Variants in COL23A1 observed in about 807,000 individuals in gnomAD.
COL23A1 encodes collagen alpha-1(XXIII) chain.
COL23A1 carries 97 observed loss-of-function variants against 99.3 expected under a neutral mutation model. The observed-to-expected ratio is 0.98, with a 90% CI of 0.83 to 1.16. The LOEUF (loss-of-function observed/expected upper bound fraction) is 1.16. Among genes scored for constraint, COL23A1 ranks in the 50% most tolerant of loss-of-function variants. The pLI, the probability that COL23A1 is intolerant of heterozygous loss-of-function variation, is 0.00. For missense variants in COL23A1, 762 were observed against 757.4 expected, an observed-to-expected ratio of 1.01 and a Z score of -0.07; for synonymous variants, 320 against 308.2, an observed-to-expected ratio of 1.04 and a Z score of -0.40.
intron 2 of COL23A1, among the ~76,000 whole-genome samples, chr5:178,358,765 A>G (rs200083036): frequency 6.9e-6 from 1 of 143,902 alleles, no homozygotes; most frequent in African/African-American, 2.6e-5. Context: ...GTGTGTGTGT[A>G]TGTGTGTGTA....
At chr5:178,583,348 C>G (rs1388946729) in intron 1 of COL23A1, among the ~76,000 whole-genome samples, 1 of 152,216 alleles carries the variant, frequency 6.6e-6, no homozygotes, top group Non-Finnish European at 1.5e-5. Context: ...TCACCCTATT[C>G]CTTGGATGGT....
intron 2 of COL23A1, among the ~76,000 whole-genome samples, chr5:178,534,671 C>T (rs758619432): frequency 3.3e-5 from 5 of 152,024 alleles, no homozygotes; most frequent in South Asian, 2.1e-4. Context: ...CCCAGCTACT[C>T]GGTAGGTTGA....
Position 178,522,680 on chromosome 5 carries a change from G to A in COL23A1, c.361+38002C>T, listed in dbSNP as rs887196733. Among the ~76,000 whole-genome samples the A allele has an allele frequency of 5.9e-5, 9 of 152,158 alleles. No individual in the cohort carries two copies. The South Asian group carries it at 6.2e-4, about 10-fold the overall frequency. ...GACAGTGGTGGAGGGCACGATAGAC[G>A]CGCTGTCTGTGATCCTCCCACAGTC... is the stretch of plus-strand genomic sequence containing the variant. On this transcript the variant is annotated intron_variant, in intron 2 of 28. Transcript: ENST00000390654.
At chr5:178,241,926 C>T (rs72819011) in intron 27 of COL23A1, 116 bp downstream of exon 27, 18 of 737,118 alleles carry the variant, frequency 2.4e-5, no homozygotes, top group Non-Finnish European at 3.9e-5. Flanking sequence ...AAGGCCAGTG[C>T]GTGACCAGTG....
chr5:178,562,080 G>T, intron 1 of COL23A1: 1 of 533,460 alleles, frequency 1.9e-6, no homozygotes, highest in South Asian at 1.5e-5. Flanking sequence ...TGGTCTCGCT[G>T]ACTTCAAAAA....
intron 2 of COL23A1, among the ~76,000 whole-genome samples, chr5:178,339,215 A>G (rs1760516970): frequency 6.6e-6 from 1 of 152,148 alleles, no homozygotes; most frequent in Non-Finnish European, 1.5e-5. Flanking sequence ...TTGGGGCCAT[A>G]CAGAACAAAC....
intron 1 of COL23A1, among the ~76,000 whole-genome samples, chr5:178,568,717 T>A (rs1762950266): frequency 6.6e-6 from 1 of 152,220 alleles, no homozygotes; most frequent in Non-Finnish European, 1.5e-5. Context: ...CTGGTTCCTT[T>A]CACTCAGCAT....
At chr5:178,451,424 G>C (rs1767479301) in intron 2 of COL23A1, among the ~76,000 whole-genome samples, 2 of 152,090 alleles carry the variant, frequency 1.3e-5, no homozygotes, top group Non-Finnish European at 2.9e-5. Context: ...GAGAGCCCAA[G>C]GCATGCAGAT....
intron 2 of COL23A1, among the ~76,000 whole-genome samples, chr5:178,403,515 C>T (rs557456120): frequency 7.2e-5 from 11 of 152,326 alleles, no homozygotes; most frequent in East Asian, 3.9e-4. Flanking sequence ...GCCAGTGAGA[C>T]GCAGAGGCCC....
chr5:178,359,604 C>T (rs1762069433), intron 2 of COL23A1, among the ~76,000 whole-genome samples: 1 of 152,200 alleles, frequency 6.6e-6, no homozygotes, highest in African/African-American at 2.4e-5. Context: ...TTTTCCTTGT[C>T]TGGTTAAATA....
At chr5:178,278,906 C>G (rs949017725) in intron 5 of COL23A1, among the ~76,000 whole-genome samples, 2 of 152,214 alleles carry the variant, frequency 1.3e-5, no homozygotes, top group Non-Finnish European at 2.9e-5. Context: ...GCTGGGCCAG[C>G]CCTGGGGTAA....
At chr5:178,535,944 C>G (rs916483014) in intron 2 of COL23A1, among the ~76,000 whole-genome samples, 6 of 152,392 alleles carry the variant, frequency 3.9e-5, no homozygotes, top group Middle Eastern at 3.4e-3. Context: ...TCTGTTCTGA[C>G]CCCTGGATTC....
chr5:178,271,256 C>T (rs1186832748), intron 5 of COL23A1, among the ~76,000 whole-genome samples: 3 of 152,302 alleles, frequency 2.0e-5, no homozygotes, highest in East Asian at 1.9e-4. Context: ...GCTGCCTGGT[C>T]TCTGTCAGCC....
chr5:178,567,319 G>A (rs571155722), intron 1 of COL23A1, among the ~76,000 whole-genome samples: 243 of 152,326 alleles, frequency 1.6e-3, no homozygotes, highest in African/African-American at 5.7e-3. Context: ...TTGGAGAGAT[G>A]AGAAATGAGA....
rs1042191273 is a variant in COL23A1, at chr5:178,280,182, C to T, written c.441+8142G>A. Among the ~76,000 whole-genome samples, 7 of 152,220 alleles carry T rather than the reference C, an allele frequency of 4.6e-5. No individual in the cohort carries two copies. In the South Asian group the frequency reaches 6.2e-4, roughly 13 times the overall value. On this transcript the variant is annotated intron_variant, in intron 5 of 28. Transcript: ENST00000390654. This position sits in a 1 kb window ranked among gnomAD's most constrained non-coding sequence, Gnocchi z 4.9. The stretch of plus-strand genomic sequence containing the variant: ...TGCCGAAGGCTGCCTCCAGCCCTGG[C>T]GGACTCTTGCGCTGGACTCCCGCCC...
chr5:178,313,931 G>A lies in COL23A1; in HGVS notation c.362-7012C>T, dbSNP rs1351509027. On this transcript the variant is annotated intron_variant, in intron 2 of 28. Coordinates refer to ENST00000390654, the MANE Select transcript of COL23A1 (RefSeq NM_173465.4). The surrounding 1 kb of genome is among the most constrained non-coding windows in gnomAD (Gnocchi z 4.2). ...CCAGACCATTTCATTTGTTTTACAAGTCTCAGACCAACCTCAGAGCTGAAA... is the reference window on the plus strand; with the variant it reads ...CCAGACCATTTCATTTGTTTTACAAATCTCAGACCAACCTCAGAGCTGAAA... Among the ~76,000 whole-genome samples, 1 of 152,138 alleles carries A rather than the reference G, an allele frequency of 6.6e-6. No individual in the cohort carries two copies. Among genetic ancestry groups the A allele is most frequent in the African/African-American group, 2.4e-5 (1 of 41,430 alleles).
intron 2 of COL23A1, among the ~76,000 whole-genome samples, chr5:178,498,784 A>G (rs1412016420): frequency 6.6e-6 from 1 of 152,194 alleles, no homozygotes; most frequent in Non-Finnish European, 1.5e-5. Flanking sequence ...CATAAAGGAC[A>G]TAGACATATT....
chr5:178,257,408 G>A, intron 13 of COL23A1, 115 bp downstream of exon 13: 1 of 1,235,084 alleles, frequency 8.1e-7, no homozygotes, highest in Admixed American at 2.0e-5. Flanking sequence ...GGCCTGCGCT[G>A]GGCACTGGCC....
intron 2 of COL23A1, among the ~76,000 whole-genome samples, chr5:178,528,108 G>A (rs181520986): frequency 7.8e-4 from 119 of 152,266 alleles, no homozygotes; most frequent in African/African-American, 2.7e-3. Context: ...CCTGGGCACT[G>A]GGACTGCCCC....
Sources: gnomAD v4.1 joint callset for allele counts (sites outside exome capture counted in the v4.1 genomes callset) on GRCh38, gnomAD v4.1.1 for gene constraint, Gnocchi (gnomAD v3.1) non-coding constraint, MANE v1.5 for transcripts, NCBI Gene and HGNC (gene_info 2026-07-23, HGNC 2026-07-21) for gene names.